TCF7L2: variants seen among roughly 807,000 people sequenced by gnomAD.
TCF7L2 encodes the protein transcription factor 7-like 2.
In TCF7L2, 23 loss-of-function variants were observed where a neutral mutation model predicts 77.9. The observed-to-expected ratio is 0.30, with a 90% CI of 0.21 to 0.42. The LOEUF is 0.42. Among genes scored for constraint, TCF7L2 ranks in the 10% least tolerant of loss-of-function variants. The pLI is 1.00. For missense variants in TCF7L2, 654 were observed against 793.1 expected, an observed-to-expected ratio of 0.82 and a Z score of 2.11; for synonymous variants, 413 against 340.2, an observed-to-expected ratio of 1.21 and a Z score of -2.36.
intron 3 of TCF7L2, among the ~76,000 whole-genome samples, chr10:112,955,985 G>C (rs141306013): frequency 2.0e-3 from 311 of 152,248 alleles, no homozygotes; most frequent in African/African-American, 7.2e-3. Flanking sequence ...AAAGTGCCTA[G>C]ATTTCTCGGT....
intron 11 of TCF7L2, among the ~76,000 whole-genome samples, chr10:113,156,057 C>T (rs2137292705): frequency 6.6e-6 from 1 of 152,226 alleles, no homozygotes; most frequent in East Asian, 1.9e-4. Context: ...AGCTTGGTGG[C>T]ATCACCACCT....
At chr10:112,954,625 A>G (rs1043935532) in intron 3 of TCF7L2, among the ~76,000 whole-genome samples, 1 of 152,216 alleles carries the variant, frequency 6.6e-6, no homozygotes, top group African/African-American at 2.4e-5. Context: ...AACTGCAAAT[A>G]TTAGAACTGT....
At chr10:113,088,001 C>T (rs557717823) in intron 5 of TCF7L2, among the ~76,000 whole-genome samples, 5 of 152,054 alleles carry the variant, frequency 3.3e-5, no homozygotes, top group East Asian at 1.9e-4. Context: ...TGATAGTGAA[C>T]GTAAAAACAT....
intron 3 of TCF7L2, among the ~76,000 whole-genome samples, chr10:112,960,675 A>G (rs2034837852): frequency 1.4e-5 from 2 of 145,486 alleles, no homozygotes; most frequent in Non-Finnish European, 1.5e-5. Context: ...CCAAGAGATG[A>G]GGCAGATGGG....
intron 12 of TCF7L2, among the ~76,000 whole-genome samples, 171 bp downstream of exon 13, chr10:113,158,888 T>C (rs2072524633): frequency 7.1e-6 from 1 of 140,084 alleles, no homozygotes; most frequent in South Asian, 2.2e-4. Flanking sequence ...GTTGCTTCTG[T>C]TTTTTTTTTT....
chr10:113,029,291 TAACCCA>T (rs1178787440), intron 4 of TCF7L2, among the ~76,000 whole-genome samples: 1 of 152,198 alleles, frequency 6.6e-6, no homozygotes, highest in African/African-American at 2.4e-5. Flanking sequence ...TCAGCACCAT[TAACCCA>T]AGGTATACTG....
intron 5 of TCF7L2, among the ~76,000 whole-genome samples, chr10:113,071,172 A>C (rs769912660): frequency 1.1e-4 from 16 of 151,866 alleles, no homozygotes; most frequent in Admixed American, 3.3e-4. Context: ...CTGCCTCCCT[A>C]CCCGCTTTGC....
intron 4 of TCF7L2, among the ~76,000 whole-genome samples, chr10:113,008,528 T>A (rs2045952832): frequency 6.6e-6 from 1 of 152,236 alleles, no homozygotes; most frequent in African/African-American, 2.4e-5. Context: ...TTCATGGTTT[T>A]TGGCATAACT....
At chr10:113,038,984 C>A (rs2051919172) in intron 4 of TCF7L2, among the ~76,000 whole-genome samples, 1 of 152,216 alleles carries the variant, frequency 6.6e-6, no homozygotes, top group African/African-American at 2.4e-5. Context: ...ATATCCCCTC[C>A]AAGCATTCAT....
At chr10:113,143,888 C>T (rs747396796) in intron 6 of TCF7L2, 35 bp from the exon 7 acceptor site, 1 of 1,558,104 alleles carries the variant, frequency 6.4e-7, no homozygotes, top group East Asian at 2.3e-5. Flanking sequence ...CCTTCTCTCC[C>T]TCCTTTGTAC....
At chr10:113,027,941 G>A (rs375562098) in intron 4 of TCF7L2, among the ~76,000 whole-genome samples, 16 of 152,284 alleles carry the variant, frequency 1.1e-4, no homozygotes, top group African/African-American at 2.9e-4. Context: ...GATTAGACCC[G>A]TCGGGTCTGC....
intron 5 of TCF7L2, chr10:113,129,594 G>A (rs1592097046): frequency 8.9e-7 from 1 of 1,118,694 alleles, no homozygotes; most frequent in Non-Finnish European, 1.1e-6. Flanking sequence ...TGTGTGTACA[G>A]GGGGAAGGAT....
intron 5 of TCF7L2, among the ~76,000 whole-genome samples, chr10:113,126,358 C>G (rs1337228422): frequency 5.3e-5 from 8 of 152,238 alleles, no homozygotes; most frequent in Admixed American, 3.3e-4. Flanking sequence ...CCTCCCCTGC[C>G]TTCTCTGAAT....
At chr10:112,961,707 A>G (rs1000698035) in intron 3 of TCF7L2, among the ~76,000 whole-genome samples, 2 of 151,594 alleles carry the variant, frequency 1.3e-5, no homozygotes, top group Non-Finnish European at 2.9e-5. Context: ...CTCCAGCGCA[A>G]TGGTTGCTGG....
At chr10:113,074,200 T>C (rs1457295356) in intron 5 of TCF7L2, among the ~76,000 whole-genome samples, 1 of 152,126 alleles carries the variant, frequency 6.6e-6, no homozygotes, top group African/African-American at 2.4e-5. Flanking sequence ...CATTCTGGAT[T>C]TGTGAATTAG....
At chr10:112,982,684 G>A (rs1019448792) in intron 4 of TCF7L2, among the ~76,000 whole-genome samples, 4 of 152,146 alleles carry the variant, frequency 2.6e-5, no homozygotes, top group African/African-American at 4.8e-5. Context: ...GCAGTGGTGC[G>A]ATCTTGGCTC....
chr10:113,159,393 ATTTC>A (rs970483189), intron 12 of TCF7L2, among the ~76,000 whole-genome samples: 8 of 151,838 alleles, frequency 5.3e-5, no homozygotes, highest in African/African-American at 1.4e-4. Context: ...TTCTTTCTTT[ATTTC>A]TTTCTATTTT....
chr10:113,015,149 G>A (rs2047124959), intron 4 of TCF7L2, among the ~76,000 whole-genome samples: 1 of 152,204 alleles, frequency 6.6e-6, no homozygotes, highest in Non-Finnish European at 1.5e-5. Flanking sequence ...TCACACCATT[G>A]CACTCCAGCC....
chr10:113,067,729 T>A (rs2057432905), intron 5 of TCF7L2, among the ~76,000 whole-genome samples: 1 of 152,128 alleles, frequency 6.6e-6, no homozygotes. Context: ...CATGTGACCT[T>A]GAGCAAGTCT....
Sources: allele counts gnomAD v4.1 joint callset (sites outside exome capture counted in the v4.1 genomes callset), GRCh38; gene constraint gnomAD v4.1.1; transcripts MANE v1.5; gene names NCBI Gene and HGNC (gene_info 2026-07-23, HGNC 2026-07-21).